CCDC150: variants seen among roughly 807,000 people sequenced by gnomAD.
CCDC150 encodes the protein coiled-coil domain containing 150.
CCDC150 carries 151 observed loss-of-function variants against 156.5 expected under a neutral mutation model. The observed-to-expected ratio is 0.97, with a 90% confidence interval of 0.85 to 1.10. The LOEUF is 1.10. Ranked by LOEUF, CCDC150 falls within the 50% of genes least tolerant of loss-of-function variation. The pLI is 0.00. For missense variants in CCDC150, 1,312 were observed against 1,268.1 expected, an observed-to-expected ratio of 1.03 and a Z score of -0.53; for synonymous variants, 452 against 429.4, an observed-to-expected ratio of 1.05 and a Z score of -0.65.
chr2:196,703,351 C>A (rs955232141), intron 15 of CCDC150, among the ~76,000 whole-genome samples: 1 of 152,096 alleles, frequency 6.6e-6, no homozygotes, highest in African/African-American at 2.4e-5. Context: ...ATAAAAAGAA[C>A]TACAATAAAA....
rs186185222 is a variant in CCDC150 at position 196,715,392 on chromosome 2, G to T, written c.1866+2653G>T. Among the ~76,000 whole-genome samples, 7 of 152,200 alleles carry T rather than the reference G, an allele frequency of 4.6e-5. No individual in the cohort carries two copies. The East Asian group carries it at 1.3e-3, about 29-fold the overall frequency. ...TATTTTACTATTTGGATGTAAAAAG[G>T]GTGGGGAGATAAAGAATATATACGT... On this transcript the variant is annotated intron_variant, in intron 17 of 27. Transcript: ENST00000389175.
At chr2:196,716,532 T>C (rs1697514600) in intron 17 of CCDC150, among the ~76,000 whole-genome samples, 1 of 152,206 alleles carries the variant, frequency 6.6e-6, no homozygotes, top group African/African-American at 2.4e-5. Flanking sequence ...TATAAAATTC[T>C]AGAAAATACA....
At position 196,682,518 on chromosome 2, in the gene CCDC150, G is replaced by A. The variant is rs1363353935; in HGVS notation, c.1509+5157G>A. The stretch of plus-strand genomic sequence containing the variant: ...TGTAAAAAAGAACAGCTGGAATTTT[G>A]GTAAGGTTTACATTGAATCTGTAGA... On this transcript the variant is annotated intron_variant, in intron 13 of 27. Transcript: ENST00000389175. Among the ~76,000 whole-genome samples, 3 of 151,768 alleles carry A rather than the reference G, an allele frequency of 2.0e-5. No individual in the cohort carries two copies. In the East Asian group the frequency reaches 5.8e-4, roughly 29 times the overall value.
chr2:196,718,363 T>A (rs902146040), intron 17 of CCDC150, 140 bp from the exon 18 acceptor site: 18 of 549,130 alleles, frequency 3.3e-5, no homozygotes, highest in Admixed American at 1.4e-4. Context: ...TTTAAAGGAA[T>A]AAGCAGCTAA....
intron 8 of CCDC150, among the ~76,000 whole-genome samples, chr2:196,671,427 C>CTTT (rs397987214): frequency 0.014 from 1,565 of 108,594 alleles, 13 homozygotes; most frequent in East Asian, 0.035. Flanking sequence ...TTTTCTCTCT[C>CTTT]TTTTTTTTTT....
intron 27 of CCDC150, 28 bp from the exon 28 acceptor site, chr2:196,732,418 A>G: frequency 2.7e-6 from 4 of 1,503,146 alleles, no homozygotes; most frequent in Non-Finnish European, 3.7e-6. Context: ...CTGAACAGTC[A>G]GTGTTAGGTG....
At chr2:196,683,150 G>A (rs1232407576) in intron 13 of CCDC150, among the ~76,000 whole-genome samples, 1 of 151,924 alleles carries the variant, frequency 6.6e-6, no homozygotes, top group Non-Finnish European at 1.5e-5. Flanking sequence ...TGTCAACTGT[G>A]GGGTTTTTTC....
chr2:196,664,006 TA>T (rs897769311), intron 5 of CCDC150, among the ~76,000 whole-genome samples: 2 of 152,156 alleles, frequency 1.3e-5, no homozygotes, highest in African/African-American at 4.8e-5. Flanking sequence ...AAGAGACTCT[TA>T]ACCTTCTTTA....
intron 8 of CCDC150, among the ~76,000 whole-genome samples, chr2:196,671,128 T>C (rs1046556260): frequency 1.3e-5 from 2 of 152,186 alleles, no homozygotes; most frequent in African/African-American, 4.8e-5. Flanking sequence ...TTTAAAGAAA[T>C]GTATAATGAC....
chr2:196,659,273 G>A (rs1420800228), intron 5 of CCDC150, among the ~76,000 whole-genome samples: 1 of 152,078 alleles, frequency 6.6e-6, no homozygotes. Flanking sequence ...TAGCAGATTG[G>A]GAAATATGAA....
chr2:196,676,108 G>T, intron 10 of CCDC150, 35 bp from the exon 11 acceptor site: 6 of 1,609,762 alleles, frequency 3.7e-6, no homozygotes, highest in Non-Finnish European at 5.1e-6. Context: ...AGACTTTGTG[G>T]AGCTTCAACT....
intron 19 of CCDC150, chr2:196,720,332 A>G: frequency 4.3e-6 from 2 of 460,832 alleles, no homozygotes; most frequent in South Asian, 5.3e-5. Context: ...GGTCAAGGGA[A>G]TGGTATTAAA....
In CCDC150 at chr2:196,732,061, G is replaced by A. The variant is rs202137904; in HGVS notation, c.3098G>A (p.Arg1033His). 420 of 1,613,688 alleles carry A rather than the reference G, an allele frequency of 2.6e-4. No homozygotes were observed. The highest frequency in any genetic ancestry group is 3.3e-4 in the Non-Finnish European group (395 of 1,179,712). ...QITANLEEAH[R>H]WFKHRFDGLQ... is the part of the protein sequence containing the mutation. Reference sequence around the variant, plus strand: ...ACAGCTAATCTGGAAGAAGCTCATCGCTGGTTTAAGCACAGGTTTGATGGT... The same window carrying A: ...ACAGCTAATCTGGAAGAAGCTCATCACTGGTTTAAGCACAGGTTTGATGGT... Residue 1033 changes from arginine to histidine, a missense_variant, in exon 27 of 28, where the codon CGC (arginine) becomes CAC (histidine). Transcript: ENST00000389175.
chr2:196,718,605 G>T lies in CCDC150; in HGVS notation c.1969G>T (p.Ala657Ser). The change falls in exon 18 of 28, where the codon GCT becomes TCT. Residue 657 changes from alanine (A) to serine (S), a missense_variant. By Grantham distance (99) the Ala-to-Ser change is moderately conservative (BLOSUM62 1). Transcript: ENST00000389175. ...TCAGAAGTTGAAAGAAGACCTCGAGGCTGTGGAGGACAGGGAAAACAAGAA... is the reference window on the plus strand; with the variant it reads ...TCAGAAGTTGAAAGAAGACCTCGAGTCTGTGGAGGACAGGGAAAACAAGAA... ...ESQKLKEDLE[A>S]VEDRENKKVG... The T allele has an allele frequency of 6.2e-7, 1 of 1,613,690 alleles. No individual in the cohort carries two copies. The highest frequency in any genetic ancestry group is 8.5e-7 in the Non-Finnish European group (1 of 1,179,710).
intron 27 of CCDC150, 53 bp from the exon 28 acceptor site, chr2:196,732,393 T>G (rs1407646547): frequency 7.4e-7 from 1 of 1,342,938 alleles, no homozygotes; most frequent in Non-Finnish European, 1.1e-6. Flanking sequence ...CAGGTGCAGA[T>G]TGCTGCAGTT....
At position 196,719,509 on chromosome 2, in the gene CCDC150, C is replaced by G; in HGVS notation, c.2008C>G (p.Gln670Glu). Residue 670 changes from glutamine (Q) to glutamate (E), a missense_variant, in exon 19 of 28, where the codon CAG (glutamine) becomes GAG (glutamate). Gln to Glu is a conservative substitution (Grantham distance 29). Transcript: ENST00000389175. ...DRENKKVGNF[Q>E]RQLAEAKEDN... Reference sequence around the variant, plus strand: ...CATTTTCTGTTAGGTGGGAAACTTTCAGCGACAATTGGCAGAAGCTAAAGA... The same window carrying G: ...CATTTTCTGTTAGGTGGGAAACTTTGAGCGACAATTGGCAGAAGCTAAAGA... The G allele has an allele frequency of 1.2e-6, 2 of 1,609,738 alleles. No homozygotes were observed. Among genetic ancestry groups the G allele is most frequent in the Non-Finnish European group, 8.5e-7 (1 of 1,178,268 alleles).
chr2:196,646,583 G>T, intron 2 of CCDC150, 79 bp downstream of exon 2: 1 of 1,028,968 alleles, frequency 9.7e-7, no homozygotes, highest in Non-Finnish European at 1.5e-6. Context: ...TTTGGCAGAT[G>T]AGATGGATAT....
chr2:196,661,408 T>C (rs904622604), intron 5 of CCDC150, among the ~76,000 whole-genome samples: 1 of 152,182 alleles, frequency 6.6e-6, no homozygotes, highest in South Asian at 2.1e-4. Context: ...CCTCACATGC[T>C]CTTTTATTTG....
chr2:196,706,437 A>G (rs1203165446), intron 15 of CCDC150, among the ~76,000 whole-genome samples: 1 of 152,228 alleles, frequency 6.6e-6, no homozygotes, highest in Non-Finnish European at 1.5e-5. Context: ...TTTTCTAAAT[A>G]TACAGTCATG....
Sources: allele counts gnomAD v4.1 joint callset (sites outside exome capture counted in the v4.1 genomes callset), GRCh38; gene constraint gnomAD v4.1.1; transcripts MANE v1.5; gene names NCBI Gene and HGNC (gene_info 2026-07-23, HGNC 2026-07-21).